KCNC3: variants seen among roughly 807,000 people sequenced by gnomAD.
KCNC3 encodes voltage-gated potassium channel KCNC3.
A neutral mutation model predicts 43.9 loss-of-function variants in KCNC3; 22 were observed. That is an observed-to-expected ratio of 0.50 (90% CI 0.36 to 0.72). The LOEUF is 0.72. Ranked by LOEUF, KCNC3 falls within the 30% of genes least tolerant of loss-of-function variation. The pLI is 0.00. For missense variants in KCNC3, 829 were observed against 1,073.8 expected, an observed-to-expected ratio of 0.77 and a Z score of 3.19; for synonymous variants, 492 against 488.0, an observed-to-expected ratio of 1.01 and a Z score of -0.11.
chr19:50,325,649 G>A (rs970923133), intron 1 of KCNC3, among the ~76,000 whole-genome samples: 2 of 152,136 alleles, frequency 1.3e-5, no homozygotes, highest in Admixed American at 1.3e-4. Flanking sequence ...TTCGCAGAGC[G>A]CATGCCTAGT....
At chr19:50,319,836 C>CGGATG (rs956784049) in intron 4 of KCNC3, among the ~76,000 whole-genome samples, 3 of 151,920 alleles carry the variant, frequency 2.0e-5, no homozygotes, top group Admixed American at 6.6e-5. Flanking sequence ...GGGGCATGGA[C>CGGATG]GGATGGCTGA....
intron 3 of KCNC3, 87 bp from the exon 4 acceptor site, chr19:50,320,436 G>C (rs949596375): frequency 5.2e-5 from 34 of 658,666 alleles, no homozygotes; most frequent in Non-Finnish European, 6.4e-5. Flanking sequence ...GAAACTTGGG[G>C]CGGGGGTACA....
chr19:50,323,137 C>T lies in KCNC3; in HGVS notation c.1816G>A (p.Gly606Arg), dbSNP rs1452056318. The change falls in exon 2 of 5, where the codon GGG (glycine) becomes AGG (arginine). Residue 606 changes from glycine (G) to arginine (R), a missense_variant. By Grantham distance (125) the Gly-to-Arg change is moderately radical. Coordinates refer to ENST00000477616, the MANE Select transcript of KCNC3 (RefSeq NM_004977.3). Reference protein sequence around the residue: ...PPPPITPPSMGVTVAGAYPAG... With the variant: ...PPPPITPPSMRVTVAGAYPAG... The stretch of plus-strand genomic sequence containing the variant: ...GGGTAGGCCCCGGCCACAGTCACCC[C>T]CATGGAGGGTGGGGTGATGGGTGGC... 3 of 1,535,558 alleles carry T rather than the reference C, an allele frequency of 2.0e-6. No individual in the cohort carries two copies. Among genetic ancestry groups the T allele is most frequent in the Admixed American group, 2.0e-5 (1 of 50,836 alleles).
chr19:50,318,184 T>A (rs1431847681), intron 4 of KCNC3, among the ~76,000 whole-genome samples: 2 of 151,722 alleles, frequency 1.3e-5, no homozygotes, highest in African/African-American at 4.9e-5. Context: ...CTTCTTCTTT[T>A]TTTTGAGAGG....
chr19:50,326,356 G>C lies in KCNC3; in HGVS notation c.870+1857C>G, dbSNP rs138201047. On this transcript the variant is annotated intron_variant, in intron 1 of 4. Coordinates refer to ENST00000477616, the MANE Select transcript of KCNC3 (RefSeq NM_004977.3). Reference sequence around the variant, plus strand: ...GGGGGAAGGAGCCGCTCAGTGTCTTGAGGGGGCATCCAGGGCCATGTCCCT... The same window carrying C: ...GGGGGAAGGAGCCGCTCAGTGTCTTCAGGGGGCATCCAGGGCCATGTCCCT... Among the ~76,000 whole-genome samples, 1,068 of 152,324 alleles carry C rather than the reference G, an allele frequency of 7.0e-3. 6 individuals carry two copies. Among genetic ancestry groups the C allele is most frequent in the Non-Finnish European group, 0.012 (834 of 68,014 alleles).
At chr19:50,330,720 G>A (rs1380317803), upstream of KCNC3, among the ~76,000 whole-genome samples, 2 of 152,136 alleles carry the variant, frequency 1.3e-5, no homozygotes, top group Non-Finnish European at 2.9e-5. Context: ...AGGCAATATA[G>A]GCAGGACCGA....
chr19:50,326,980 G>C (rs1369762059), intron 1 of KCNC3, among the ~76,000 whole-genome samples: 1 of 151,988 alleles, frequency 6.6e-6, no homozygotes, highest in East Asian at 1.9e-4. Context: ...GGGCAAGGTA[G>C]AAAGAATTGT....
rs1308119973 is a variant in KCNC3 at position 50,329,018 on chromosome 19, G to T, written c.65C>A (p.Ala22Glu). The change falls in exon 1 of 5, where the codon GCG becomes GAG. Residue 22 changes from alanine (A) to glutamate (E), a missense_variant. Around this residue, in one of 7 missense-constraint regions of KCNC3, gnomAD observed 129 missense variants for 83.6 expected, o/e 1.54. Transcript: ENST00000477616. ...GRQGASKQQP[A>E]PPPQPPESPP... Reference sequence around the variant, plus strand: ...GGACTCGGGCGGCTGCGGCGGTGGCGCCGGCTGCTGCTTGCTGGCCCCCTG... The same window carrying T: ...GGACTCGGGCGGCTGCGGCGGTGGCTCCGGCTGCTGCTTGCTGGCCCCCTG... 3.8e-6 allele frequency: 5 copies of T among 1,316,792 alleles called. No individual in the cohort carries two copies. Among genetic ancestry groups the T allele is most frequent in the Admixed American group, 3.0e-5 (1 of 32,968 alleles). 81.6% of individuals were successfully genotyped at this position (1,316,792 alleles called of 1,614,324 possible). A position where few individuals can be genotyped will look rare whatever the true frequency, so the allele number is the denominator to read the frequency against.
chr19:50,317,151 T>C (rs1193117827), intron 4 of KCNC3, among the ~76,000 whole-genome samples: 1 of 144,358 alleles, frequency 6.9e-6, no homozygotes, highest in Admixed American at 7.0e-5. Context: ...GGGGAGGAGT[T>C]AGATAGGAGC....
At chr19:50,318,872 T>C (rs1333443668) in intron 4 of KCNC3, among the ~76,000 whole-genome samples, 1 of 150,096 alleles carries the variant, frequency 6.7e-6, no homozygotes, top group Non-Finnish European at 1.5e-5. Context: ...AGCCCAGGAG[T>C]TCAAGACCAA....
chr19:50,317,395 C>G (rs1156684808), intron 4 of KCNC3, among the ~76,000 whole-genome samples: 1 of 152,020 alleles, frequency 6.6e-6, no homozygotes, highest in Non-Finnish European at 1.5e-5. Context: ...TTCCTGGAAG[C>G]CCCCCAGGTT....
intron 2 of KCNC3, among the ~76,000 whole-genome samples, chr19:50,322,255 T>C (rs2123530636): frequency 1.3e-5 from 2 of 152,132 alleles, no homozygotes; most frequent in Middle Eastern, 3.4e-3. Context: ...CACAGGTAAC[T>C]TTCTTCTCCC....
intron 4 of KCNC3, among the ~76,000 whole-genome samples, chr19:50,317,773 C>G (rs2123520560): frequency 6.6e-6 from 1 of 152,270 alleles, no homozygotes. Flanking sequence ...TTCTGTGTCA[C>G]CTCCTCAAAA....
At position 50,314,372 on chromosome 19, in the gene KCNC3, A is replaced by C; in HGVS notation, c.*1743T>G. ...CTGGGGTGAAGGATGGGAAGGCTGG[A>C]GACCTTAAAGGCCAGCCCGACCCCC... On this transcript the variant is annotated 3_prime_UTR_variant, in exon 5 of 5. Transcript: ENST00000477616. 6.1e-6 allele frequency: 1 copy of C among 163,582 alleles called. No individual in the cohort carries two copies. Among genetic ancestry groups the C allele is most frequent in the East Asian group, 1.9e-4 (1 of 5,302 alleles). 10.1% of individuals were successfully genotyped at this position (163,582 alleles called of 1,614,324 possible).
Position 50,327,547 on chromosome 19 carries a change from A to G in KCNC3, c.870+666T>C, listed in dbSNP as rs370959108. On this transcript the variant is annotated intron_variant, in intron 1 of 4. Coordinates refer to ENST00000477616, the MANE Select transcript of KCNC3 (RefSeq NM_004977.3). Reference sequence around the variant, plus strand: ...TTTTCTGAGACTCTGAGAGCAGAAGATACTGCAGGAAGGGAGTGGAAAAAA... The same window carrying G: ...TTTTCTGAGACTCTGAGAGCAGAAGGTACTGCAGGAAGGGAGTGGAAAAAA... Among the ~76,000 whole-genome samples, 9 of 152,182 alleles carry G rather than the reference A, an allele frequency of 5.9e-5. No homozygotes were observed. In the East Asian group the frequency reaches 9.6e-4, roughly 16 times the overall value.
chr19:50,325,417 G>A (rs1395418695), intron 1 of KCNC3, among the ~76,000 whole-genome samples: 1 of 152,102 alleles, frequency 6.6e-6, no homozygotes, highest in East Asian at 1.9e-4. Context: ...GTGGGCCAAG[G>A]GCCAGCACTG....
rs573631185 is a variant in KCNC3 at position 50,325,419 on chromosome 19, C to T, written c.871-1337G>A. On this transcript the variant is annotated intron_variant, in intron 1 of 4. Coordinates refer to ENST00000477616, the MANE Select transcript of KCNC3 (RefSeq NM_004977.3). ...CTTGGACTTTGGGGTGGGCCAAGGG[C>T]CAGCACTGTCCCTCTGTGCACCCCC... Among the ~76,000 whole-genome samples, 122 of 152,150 alleles carry T rather than the reference C, an allele frequency of 8.0e-4. 1 individual carries two copies. The highest frequency in any genetic ancestry group is 2.9e-3 in the African/African-American group (121 of 41,472).
At position 50,323,318 on chromosome 19, in the gene KCNC3, G is replaced by A; in HGVS notation, c.1635C>T (p.Tyr545=). The change falls in exon 2 of 5, where the codon TAC becomes TAT. Residue 545 remains tyrosine (Y), a synonymous_variant. Coordinates refer to ENST00000477616, the MANE Select transcript of KCNC3 (RefSeq NM_004977.3). The part of the protein sequence containing the change: ...VPVIVNNFGM[Y]YSLAMAKQKL... ...TCTGCTTGGCCATGGCCAGCGAATA[G>A]TACATGCCAAAGTTGTTGACAATGA... 2 of 1,613,790 alleles carry A rather than the reference G, an allele frequency of 1.2e-6. No homozygotes were observed. Among genetic ancestry groups the A allele is most frequent in the Middle Eastern group, 1.6e-4 (1 of 6,062 alleles).
intron 1 of KCNC3, among the ~76,000 whole-genome samples, chr19:50,326,524 G>C (rs2037107940): frequency 6.6e-6 from 1 of 150,980 alleles, no homozygotes; most frequent in African/African-American, 2.4e-5. Flanking sequence ...GCGGCTCCGC[G>C]TCCTTCCCGG....
Sources: allele counts gnomAD v4.1 joint callset (sites outside exome capture counted in the v4.1 genomes callset), GRCh38; gene constraint gnomAD v4.1.1; regional missense constraint gnomAD v4.1.1; transcripts MANE v1.5; gene names NCBI Gene and HGNC (gene_info 2026-07-23, HGNC 2026-07-21).